The following ZXDC variants were observed in gnomAD, a reference collection of about 807,000 sequenced individuals.
ZXDC encodes the protein zinc finger protein ZXDC.
In ZXDC, 58 loss-of-function variants were observed where a neutral mutation model predicts 63.6. That is an observed-to-expected ratio of 0.91 (90% CI 0.74 to 1.13). ZXDC has a LOEUF of 1.13. ZXDC is among the 50% of genes most tolerant of loss of function. The pLI is 0.00. For synonymous variants in ZXDC, 561 were observed against 496.1 expected, an observed-to-expected ratio of 1.13 and a Z score of -1.74; for missense variants, 1,133 against 1,148.9, an observed-to-expected ratio of 0.99 and a Z score of 0.20.
chr3:126,450,808 T>C lies in ZXDC; in HGVS notation c.2212+8845A>G, dbSNP rs370776731. Among the ~76,000 whole-genome samples, 9 of 152,344 alleles carry C rather than the reference T, an allele frequency of 5.9e-5. No individual in the cohort carries two copies. The East Asian group carries it at 7.7e-4, about 13-fold the overall frequency. On this transcript the variant is annotated intron_variant, in intron 7 of 9. Coordinates refer to ENST00000389709, the MANE Select transcript of ZXDC (RefSeq NM_025112.5). The stretch of plus-strand genomic sequence containing the variant: ...AGGCTCCATCCAACCTGATCACCCA[T>C]TGGAACACTCCAGTGTGTGTGTGCC...
At chr3:126,472,357 C>T in intron 1 of ZXDC, 52 bp from the exon 2 acceptor site, 10 of 1,586,828 alleles carry the variant, frequency 6.3e-6, no homozygotes, top group Non-Finnish European at 8.6e-6. Context: ...AATTATACAA[C>T]ATAGCTAATG....
In ZXDC at chr3:126,439,655, C is replaced by T; in HGVS notation, c.2467G>A (p.Asp823Asn). The change falls in exon 9 of 10, where the codon GAC becomes AAC. Residue 823 changes from aspartate (D) to asparagine (N), a missense_variant. By Grantham distance (23) the Asp-to-Asn change is conservative. Transcript: ENST00000389709. ...ACCTGGAGGACGTAGACGGGCAGGT[C>T]CACAGTGAGGAAGGGGAGGAAGGTG... The part of the protein sequence containing the change: ...PATFLPFLTV[D>N]LPVYVLQEVL... The T allele has an allele frequency of 6.4e-7, 1 of 1,553,830 alleles. No homozygotes were observed. The highest frequency in any genetic ancestry group is 8.7e-7 in the Non-Finnish European group (1 of 1,147,988).
At chr3:126,466,019 A>T in intron 5 of ZXDC, 136 bp downstream of exon 5, 1 of 990,462 alleles carries the variant, frequency 1.0e-6, no homozygotes, top group Non-Finnish European at 1.5e-6. Context: ...AAAAGAGGCC[A>T]CTTGGCTTGG....
In ZXDC at chr3:126,466,280, G is replaced by A; in HGVS notation, c.1316C>T (p.Ser439Phe). The stretch of plus-strand genomic sequence containing the variant: ...ACCCACATCCTGCACGTGTTTCTTA[G>A]AGTGAATGTACAGACTGCTACGAGC... Reference protein sequence around the residue: ...FSARSSLYIHSKKHVQDVGAP... With the variant: ...FSARSSLYIHFKKHVQDVGAP... Residue 439 changes from serine to phenylalanine, a missense_variant, in exon 5 of 10, where the codon TCT becomes TTT. Physicochemically the swap from Ser to Phe is radical, Grantham distance 155 (BLOSUM62 -2). Transcript: ENST00000389709. 1 of 1,614,208 alleles carries A rather than the reference G, an allele frequency of 6.2e-7. No individual in the cohort carries two copies. Among genetic ancestry groups the A allele is most frequent in the Middle Eastern group, 1.6e-4 (1 of 6,062 alleles).
At position 126,461,509 on chromosome 3, in the gene ZXDC, T is replaced by C. The variant is rs753326547; in HGVS notation, c.2127+26A>G. 8 of 1,586,182 alleles carry C rather than the reference T, an allele frequency of 5.0e-6. No individual in the cohort carries two copies. The South Asian group carries it at 6.8e-5, about 14-fold the overall frequency. On this transcript the variant is annotated intron_variant, in intron 6 of 9. Transcript: ENST00000389709. ...AGTATGAGAGAAGTGACCTATATGG[T>C]GGTGACTGAATAGAGTGCTTCATAC...
chr3:126,441,832 C>T lies in ZXDC; in HGVS notation c.2327G>A (p.Arg776Gln), dbSNP rs929457213. ...CCCAGCTGCTGGAGCTGGTCCTGGCCGTCCTCCGCTGGGCACCACGAGGCT... is the reference window on the plus strand; with the variant it reads ...CCCAGCTGCTGGAGCTGGTCCTGGCTGTCCTCCGCTGGGCACCACGAGGCT... ...CGSLVVPSGGRPGPAPAAGVQ... is the reference protein window; with the variant it reads ...CGSLVVPSGGQPGPAPAAGVQ... The change falls in exon 8 of 10, where the codon CGG (arginine) becomes CAG (glutamine). Residue 776 changes from arginine (R) to glutamine (Q), a missense_variant. Transcript: ENST00000389709. 9.9e-6 allele frequency: 16 copies of T among 1,613,634 alleles called. No individual in the cohort carries two copies. Among genetic ancestry groups the T allele is most frequent in the African/African-American group, 8.0e-5 (6 of 74,904 alleles).
Position 126,459,787 on chromosome 3 carries a change from G to T in ZXDC, c.2128-50C>A, listed in dbSNP as rs940422713. 4.3e-6 allele frequency: 7 copies of T among 1,613,864 alleles called. No individual in the cohort carries two copies. In the Admixed American group the frequency reaches 5.0e-5, roughly 12 times the overall value. ...GTCACTTATCTAGACACAAAGGAAG[G>T]GTAGCAAGGGAGCTACAGAAGTGCC... On this transcript the variant is annotated intron_variant, in intron 6 of 9. Transcript: ENST00000389709.
chr3:126,475,085 C>A lies in ZXDC; in HGVS notation c.781G>T (p.Gly261Cys). The A allele has an allele frequency of 6.2e-7, 1 of 1,608,780 alleles. No individual in the cohort carries two copies. Among genetic ancestry groups the A allele is most frequent in the African/African-American group, 1.3e-5 (1 of 74,966 alleles). The change falls in exon 1 of 10, where the codon GGC becomes TGC. Residue 261 changes from glycine (G) to cysteine (C), a missense_variant. Coordinates refer to ENST00000389709, the MANE Select transcript of ZXDC (RefSeq NM_025112.5). ...TVYNLKAHMK[G>C]HEQESLFKCE... ...TTGAACAGGCTCTCCTGCTCGTGGC[C>A]CTTCATGTGCGCCTTGAGGTTATAG...
rs1337846626 is a variant in ZXDC, at chr3:126,475,805, GGCC to G, written c.58_60del (p.Gly20del). ...GCTGGGGCTCGGCGGAGCGGGCCGG[GGCC>G]GCCGCCATGTTGCCCTCCGCGCGCA... On this transcript the variant is annotated inframe_deletion, in exon 1 of 10. Transcript: ENST00000389709. 1.7e-5 allele frequency: 18 copies of G among 1,089,352 alleles called. 1 individual carries two copies. In the East Asian group the frequency reaches 9.4e-4, roughly 57 times the overall value. 67.5% of individuals were successfully genotyped at this position (1,089,352 alleles called of 1,614,324 possible). A position where few individuals can be genotyped will look rare whatever the true frequency, so the allele number is the denominator to read the frequency against.
chr3:126,455,142 T>C lies in ZXDC; in HGVS notation c.2212+4511A>G. Reference sequence around the variant, plus strand: ...AATCACAAATGTTGAAACCAAAAAATCCCAAACCCAATTTTTTTTCCCTAA... The same window carrying C: ...AATCACAAATGTTGAAACCAAAAAACCCCAAACCCAATTTTTTTTCCCTAA... On this transcript the variant is annotated intron_variant, in intron 7 of 9. Transcript: ENST00000389709. 5 of 977,294 alleles carry C rather than the reference T, an allele frequency of 5.1e-6. No homozygotes were observed. In the South Asian group the frequency reaches 1.4e-4, roughly 28 times the overall value. The allele number at this position is 977,294 out of a possible 1,614,324, so 60.5% of individuals were successfully genotyped here.
chr3:126,470,994 G>A lies in ZXDC; in HGVS notation c.1171C>T (p.Pro391Ser), dbSNP rs1281794573. 1 of 1,613,980 alleles carries A rather than the reference G, an allele frequency of 6.2e-7. No individual in the cohort carries two copies. Among genetic ancestry groups the A allele is most frequent in the African/African-American group, 1.3e-5 (1 of 74,888 alleles). ...KHDDDRRFTC[P>S]VEGCGKSFTR... ...AATGATTTCCCACAGCCCTCGACAGGGCAGGTAAACCTCCGGTCATCGTCA... is the reference window on the plus strand; with the variant it reads ...AATGATTTCCCACAGCCCTCGACAGAGCAGGTAAACCTCCGGTCATCGTCA... Residue 391 changes from proline to serine, a missense_variant, in exon 4 of 10, where the codon CCT (proline) becomes TCT (serine). Physicochemically the swap from Pro to Ser is moderately conservative, Grantham distance 74. Transcript: ENST00000389709.
chr3:126,453,861 A>G, intron 7 of ZXDC: 1 of 985,164 alleles, frequency 1.0e-6, no homozygotes, highest in Non-Finnish European at 1.2e-6. Flanking sequence ...CACCGCGCCC[A>G]GCCTCGCTTT....
chr3:126,475,413 GGGC>G lies in ZXDC; in HGVS notation c.450_452del (p.Pro151del), dbSNP rs1168122946. The G allele has an allele frequency of 8.4e-7, 1 of 1,185,568 alleles. No individual in the cohort carries two copies. Among genetic ancestry groups the G allele is most frequent in the Non-Finnish European group, 1.0e-6 (1 of 957,988 alleles). 73.4% of individuals were successfully genotyped at this position (1,185,568 alleles called of 1,614,324 possible). A position where few individuals can be genotyped will look rare whatever the true frequency, so the allele number is the denominator to read the frequency against. On this transcript the variant is annotated inframe_deletion, in exon 1 of 10. Transcript: ENST00000389709. ...CGGCGGCGCCCGCGGTTGCGGGGCC[GGGC>G]GGCGCAGACAGCGCGAGGACGCCGC...
chr3:126,475,241 T>C lies in ZXDC; in HGVS notation c.625A>G (p.Lys209Glu). The C allele has an allele frequency of 1.3e-6, 2 of 1,560,602 alleles. No individual in the cohort carries two copies. Among genetic ancestry groups the C allele is most frequent in the Non-Finnish European group, 1.7e-6 (2 of 1,152,332 alleles). ...HGGGQGRRPF[K>E]CPLEGCGWAF... ...CAACCACAGCCCTCCAGTGGGCACT[T>C]GAAGGGCCGCCGGCCCTGACCGCCG... The change falls in exon 1 of 10, where the codon AAG (lysine) becomes GAG (glutamate). Residue 209 changes from lysine (K) to glutamate (E), a missense_variant. Transcript: ENST00000389709.
At chr3:126,452,729 C>T (rs2107638071) in intron 7 of ZXDC, among the ~76,000 whole-genome samples, 1 of 149,192 alleles carries the variant, frequency 6.7e-6, no homozygotes, top group Admixed American at 6.9e-5. Context: ...TAAGAGTCAC[C>T]AATCTGCAGT....
chr3:126,451,026 G>A, intron 7 of ZXDC: 1 of 534,696 alleles, frequency 1.9e-6, no homozygotes, highest in Non-Finnish European at 2.4e-6. Context: ...CTGTCCCATG[G>A]AAAGGAAAGG....
rs1449391003 is a variant in ZXDC at position 126,439,648 on chromosome 3, G to A, written c.2474C>T (p.Pro825Leu). The A allele has an allele frequency of 1.3e-6, 2 of 1,553,586 alleles. No individual in the cohort carries two copies. The highest frequency in any genetic ancestry group is 1.7e-6 in the Non-Finnish European group (2 of 1,147,918). Residue 825 changes from proline to leucine, a missense_variant, in exon 9 of 10, where the codon CCC becomes CTC. Coordinates refer to ENST00000389709, the MANE Select transcript of ZXDC (RefSeq NM_025112.5). The part of the protein sequence containing the change: ...TFLPFLTVDL[P>L]VYVLQEVLPS... ...CATCCAGACCTGGAGGACGTAGACG[G>A]GCAGGTCCACAGTGAGGAAGGGGAG... is the stretch of plus-strand genomic sequence containing the variant.
At position 126,472,226 on chromosome 3, in the gene ZXDC, G is replaced by C. The variant is rs780913596; in HGVS notation, c.987C>G (p.Ser329=). ...RAHFREQELF[S]CSFPGCSKQY... ...GCTTGCTGCACCCAGGAAAGGAGCA[G>C]GAAAAGAGCTCTTGTTCCCTGAAGT... Residue 329 remains serine, a synonymous_variant, in exon 2 of 10, where the codon TCC becomes TCG. Coordinates refer to ENST00000389709, the MANE Select transcript of ZXDC (RefSeq NM_025112.5). 2 of 1,613,658 alleles carry C rather than the reference G, an allele frequency of 1.2e-6. No individual in the cohort carries two copies. The highest frequency in any genetic ancestry group is 1.7e-6 in the Non-Finnish European group (2 of 1,179,532).
chr3:126,474,518 T>A (rs1935105341), intron 1 of ZXDC, among the ~76,000 whole-genome samples: 1 of 152,234 alleles, frequency 6.6e-6, no homozygotes, highest in African/African-American at 2.4e-5. Context: ...AAAGCCAGGA[T>A]GTGCGCACAC....
Sources: allele counts gnomAD v4.1 joint callset (sites outside exome capture counted in the v4.1 genomes callset), GRCh38; gene constraint gnomAD v4.1.1; transcripts MANE v1.5; gene names NCBI Gene and HGNC (gene_info 2026-07-23, HGNC 2026-07-21).